The following PIK3C3 variants were observed in gnomAD, a reference collection of about 807,000 sequenced individuals.
The protein encoded by PIK3C3 is PI3-kinase type 3.
In PIK3C3, 95 loss-of-function variants were observed where a neutral mutation model predicts 126.1. The ratio of observed to expected loss-of-function variants is 0.75; its 90% CI spans 0.64 to 0.89. PIK3C3 has a LOEUF of 0.89. PIK3C3 is among the 40% of genes least tolerant of loss of function. The probability of loss-of-function intolerance (pLI) is 0.00; values close to 1 mark genes in which losing one functional copy is unlikely to be tolerated. For synonymous variants in PIK3C3, 374 were observed against 360.0 expected, an observed-to-expected ratio of 1.04 and a Z score of -0.44; for missense variants, 829 against 1,063.2, an observed-to-expected ratio of 0.78 and a Z score of 3.06.
At chr18:41,964,472 T>G (rs887378834) in intron 3 of PIK3C3, among the ~76,000 whole-genome samples, 5 of 152,096 alleles carry the variant, frequency 3.3e-5, no homozygotes, top group African/African-American at 1.2e-4. Flanking sequence ...TTGAGTAGTT[T>G]ATGATTGTTA....
At chr18:42,060,061 C>T (rs1472681731) in intron 22 of PIK3C3, among the ~76,000 whole-genome samples, 1 of 152,074 alleles carries the variant, frequency 6.6e-6, no homozygotes, top group East Asian at 1.9e-4. Context: ...AGACATAAAC[C>T]CATCGCACCT....
intron 4 of PIK3C3, among the ~76,000 whole-genome samples, chr18:41,972,694 A>G (rs1980727981): frequency 6.6e-6 from 1 of 152,092 alleles, no homozygotes; most frequent in Non-Finnish European, 1.5e-5. Flanking sequence ...AAAATGAGTA[A>G]TTACTTTTTT....
intron 10 of PIK3C3, among the ~76,000 whole-genome samples, chr18:42,006,411 A>G (rs674380): frequency 0.093 from 12,297 of 131,632 alleles, 1,640 homozygotes; most frequent in African/African-American, 0.34. Flanking sequence ...ATGATTGATT[A>G]AATCATTGGC....
intron 3 of PIK3C3, among the ~76,000 whole-genome samples, chr18:41,964,398 A>G (rs533439213): frequency 1.6e-4 from 24 of 152,244 alleles, no homozygotes; most frequent in Non-Finnish European, 3.1e-4. Flanking sequence ...CCTTGGGCAG[A>G]TTATTTAATC....
intron 14 of PIK3C3, among the ~76,000 whole-genome samples, chr18:42,027,921 G>T (rs1230427371): frequency 6.6e-6 from 1 of 152,164 alleles, no homozygotes; most frequent in Non-Finnish European, 1.5e-5. Flanking sequence ...CTCCCAAAGT[G>T]CTGGCATTAC....
intron 16 of PIK3C3, among the ~76,000 whole-genome samples, chr18:42,034,167 A>G (rs957740191): frequency 2.6e-5 from 4 of 152,160 alleles, no homozygotes; most frequent in African/African-American, 9.7e-5. Context: ...ATTTTTATGT[A>G]ACATGTGAAA....
chr18:41,955,285 C>G lies in PIK3C3; in HGVS notation c.-7C>G. On this transcript the variant is annotated 5_prime_UTR_variant, in exon 1 of 25. Coordinates refer to ENST00000262039, the MANE Select transcript of PIK3C3 (RefSeq NM_002647.4). ...CCGCTGTAGGTGGTACCTTTGCAGA[C>G]GGTGCGATGGGGGAAGCAGAGAAGT... 6.2e-7 allele frequency: 1 copy of G among 1,611,364 alleles called. No individual in the cohort carries two copies. The highest frequency in any genetic ancestry group is 8.5e-7 in the Non-Finnish European group (1 of 1,178,346).
Position 42,043,222 on chromosome 18 carries a change from C to T in PIK3C3, c.2104-511C>T, listed in dbSNP as rs369336874. Reference sequence around the variant, plus strand: ...CAAGCAATTCTCCTGCCTCAGCCTCCCGAGCAGCTGGGACTACAGGTGCCT... The same window carrying T: ...CAAGCAATTCTCCTGCCTCAGCCTCTCGAGCAGCTGGGACTACAGGTGCCT... On this transcript the variant is annotated intron_variant, in intron 19 of 24. Transcript: ENST00000262039. Among the ~76,000 whole-genome samples the T allele has an allele frequency of 3.3e-5, 5 of 151,908 alleles. No homozygotes were observed. The South Asian group carries it at 8.3e-4, about 25-fold the overall frequency.
At chr18:41,988,112 A>T (rs1465257944) in intron 5 of PIK3C3, among the ~76,000 whole-genome samples, 5 of 151,526 alleles carry the variant, frequency 3.3e-5, no homozygotes, top group African/African-American at 1.2e-4. Flanking sequence ...GGTAGTGGAT[A>T]TTCAAAGATG....
At position 41,966,817 on chromosome 18, in the gene PIK3C3, T is replaced by C. The variant is rs112864481; in HGVS notation, c.402-3510T>C. Among the ~76,000 whole-genome samples, 1,120 of 152,286 alleles carry C rather than the reference T, an allele frequency of 7.4e-3. 9 individuals carry two copies. The highest frequency in any genetic ancestry group is 0.012 in the Non-Finnish European group (802 of 68,018). On this transcript the variant is annotated intron_variant, in intron 3 of 24. Coordinates refer to ENST00000262039, the MANE Select transcript of PIK3C3 (RefSeq NM_002647.4). ...CTCAGATTAAGGTGAAGATCAGGCT[T>C]TACATCATTTTCATTTTTAATCAGT...
intron 3 of PIK3C3, among the ~76,000 whole-genome samples, chr18:41,965,521 C>T (rs1210645872): frequency 1.3e-5 from 2 of 152,042 alleles, no homozygotes; most frequent in African/African-American, 2.4e-5. Context: ...ATCCTGGAAG[C>T]CTATGAGAAA....
At chr18:42,045,276 T>C (rs1490527063) in intron 20 of PIK3C3, among the ~76,000 whole-genome samples, 1 of 150,366 alleles carries the variant, frequency 6.7e-6, no homozygotes, top group Admixed American at 6.6e-5. Flanking sequence ...AGAGAAAATG[T>C]TTACCCTTGT....
chr18:42,032,709 T>C (rs989529692), intron 15 of PIK3C3, among the ~76,000 whole-genome samples: 2 of 151,926 alleles, frequency 1.3e-5, no homozygotes, highest in Admixed American at 1.3e-4. Context: ...GTAGGATAAC[T>C]TTACTCTCAA....
chr18:41,973,149 TAGGGAATAAAA>T (rs1266276190), intron 4 of PIK3C3, among the ~76,000 whole-genome samples: 1 of 152,136 alleles, frequency 6.6e-6, no homozygotes, highest in Admixed American at 6.5e-5. Flanking sequence ...ATTATCTTAC[TAGGGAATAAAA>T]TTGTGATTAT....
intron 2 of PIK3C3, among the ~76,000 whole-genome samples, 190 bp downstream of exon 2, chr18:41,957,948 G>T (rs911703892): frequency 3.3e-5 from 5 of 152,186 alleles, no homozygotes; most frequent in Non-Finnish European, 5.9e-5. Flanking sequence ...AATTGAAATA[G>T]AAATGGATTT....
chr18:41,989,063 G>T (rs1981642939), intron 5 of PIK3C3, among the ~76,000 whole-genome samples: 1 of 151,934 alleles, frequency 6.6e-6, no homozygotes, highest in African/African-American at 2.4e-5. Flanking sequence ...AACCTCTTCA[G>T]ACCTTTATCA....
intron 4 of PIK3C3, among the ~76,000 whole-genome samples, chr18:41,977,062 T>C (rs921483789): frequency 6.6e-6 from 1 of 152,174 alleles, no homozygotes; most frequent in African/African-American, 2.4e-5. Context: ...AAAAGGTAGA[T>C]AGAATATGAA....
chr18:42,018,118 TAG>T (rs987306411), intron 12 of PIK3C3, among the ~76,000 whole-genome samples: 4 of 151,940 alleles, frequency 2.6e-5, no homozygotes, highest in Non-Finnish European at 5.9e-5. Flanking sequence ...AGTAAATATT[TAG>T]AGATACTTTT....
chr18:42,017,533 T>G (rs1366812795), intron 12 of PIK3C3, among the ~76,000 whole-genome samples: 2 of 152,100 alleles, frequency 1.3e-5, no homozygotes, highest in African/African-American at 4.8e-5. Context: ...TGTGAAAGAA[T>G]TAGGGCAAAA....
Sources: allele counts gnomAD v4.1 joint callset (sites outside exome capture counted in the v4.1 genomes callset), GRCh38; gene constraint gnomAD v4.1.1; transcripts MANE v1.5; gene names NCBI Gene and HGNC (gene_info 2026-07-23, HGNC 2026-07-21).